The following DAB1 variants were observed in gnomAD, a reference collection of about 807,000 sequenced individuals.
DAB1 encodes DAB adaptor protein 1.
In DAB1, 15 loss-of-function variants were observed where a neutral mutation model predicts 64.6. The ratio of observed to expected loss-of-function variants is 0.23; its 90% CI spans 0.16 to 0.36. The LOEUF is 0.36. Ranked by LOEUF, DAB1 falls within the 10% of genes least tolerant of loss-of-function variation. The probability of loss-of-function intolerance (pLI) is 1.00; values close to 1 mark genes in which losing one functional copy is unlikely to be tolerated. For synonymous variants in DAB1, 235 were observed against 251.9 expected, an observed-to-expected ratio of 0.93 and a Z score of 0.64; for missense variants, 596 against 706.7, an observed-to-expected ratio of 0.84 and a Z score of 1.78.
intron 1 of DAB1, among the ~76,000 whole-genome samples, chr1:57,420,430 A>T (rs1684809780): frequency 6.6e-6 from 1 of 152,238 alleles, no homozygotes; most frequent in South Asian, 2.1e-4. Context: ...ACAAGTATCC[A>T]CATCCTAGGG....
At chr1:58,169,348 G>A (rs2100763290) in intron 4 of DAB1, among the ~76,000 whole-genome samples, 1 of 152,296 alleles carries the variant, frequency 6.6e-6, no homozygotes, top group African/African-American at 2.4e-5. Context: ...ACCATTGTGG[G>A]TTCTTGGGCA....
At chr1:58,489,843 G>A (rs1645647122) in intron 3 of DAB1, among the ~76,000 whole-genome samples, 2 of 152,166 alleles carry the variant, frequency 1.3e-5, no homozygotes, top group Non-Finnish European at 2.9e-5. Flanking sequence ...GTCTGGAGTG[G>A]TCCTCCAGCA....
chr1:58,379,630 G>C (rs1293068718), intron 3 of DAB1, among the ~76,000 whole-genome samples: 2 of 152,180 alleles, frequency 1.3e-5, no homozygotes, highest in East Asian at 3.8e-4. Flanking sequence ...AATACCTATT[G>C]GTGCAACCAT....
At chr1:57,758,348 A>G (rs1175288586) in intron 6 of DAB1, among the ~76,000 whole-genome samples, 1 of 152,196 alleles carries the variant, frequency 6.6e-6, no homozygotes, top group Non-Finnish European at 1.5e-5. Context: ...TTTAAAACTC[A>G]GTTTTCTGCA....
At chr1:57,181,451 C>G (rs7548633) in intron 2 of DAB1, among the ~76,000 whole-genome samples, 1 of 151,962 alleles carries the variant, frequency 6.6e-6, no homozygotes, top group Non-Finnish European at 1.5e-5. Context: ...ACACTATCAT[C>G]GAACACTTAT....
intron 4 of DAB1, among the ~76,000 whole-genome samples, chr1:57,074,695 C>T (rs971830028): frequency 7.2e-5 from 11 of 152,184 alleles, no homozygotes; most frequent in Non-Finnish European, 1.6e-4. Context: ...AGGCTGCCCA[C>T]TGGCCACTGG....
chr1:58,268,925 C>T (rs915168198), intron 4 of DAB1, among the ~76,000 whole-genome samples: 2 of 152,108 alleles, frequency 1.3e-5, no homozygotes, highest in South Asian at 2.1e-4. Flanking sequence ...TATAGACCAA[C>T]TGAATAGAAT....
chr1:58,275,983 C>T (rs1405420975), intron 4 of DAB1, among the ~76,000 whole-genome samples: 1 of 152,194 alleles, frequency 6.6e-6, no homozygotes, highest in African/African-American at 2.4e-5. Context: ...ACTGTTCAGT[C>T]TTAAGAGAAA....
At chr1:58,083,422 A>T (rs11207168) in intron 5 of DAB1, among the ~76,000 whole-genome samples, 35,398 of 152,140 alleles carry the variant, frequency 0.23, 4,558 homozygotes, top group East Asian at 0.4. Flanking sequence ...TGGTTTCATC[A>T]TCTATGCCGC....
intron 5 of DAB1, among the ~76,000 whole-genome samples, chr1:57,971,798 A>T (rs1006915047): frequency 2.0e-5 from 3 of 152,186 alleles, no homozygotes; most frequent in Non-Finnish European, 4.4e-5. Context: ...TCCACAGAAG[A>T]GGGCAGGTCC....
At chr1:57,702,023 T>C (rs1473172584) in intron 6 of DAB1, among the ~76,000 whole-genome samples, 1 of 152,190 alleles carries the variant, frequency 6.6e-6, no homozygotes, top group Admixed American at 6.5e-5. Context: ...GCTCTGTCCA[T>C]TTGAGGAGGC....
intron 5 of DAB1, among the ~76,000 whole-genome samples, chr1:58,030,270 A>T (rs1006593162): frequency 5.3e-5 from 8 of 152,178 alleles, no homozygotes; most frequent in Non-Finnish European, 8.8e-5. Flanking sequence ...ACAAGCAAAG[A>T]AACAAAAATA....
chr1:57,058,892 T>C (rs1650104738), intron 9 of DAB1, among the ~76,000 whole-genome samples: 1 of 152,230 alleles, frequency 6.6e-6, no homozygotes, highest in African/African-American at 2.4e-5. Flanking sequence ...AGATGTGATC[T>C]CTGCCAAGGT....
chr1:58,135,189 T>C (rs565859822), intron 5 of DAB1, among the ~76,000 whole-genome samples: 1 of 152,348 alleles, frequency 6.6e-6, no homozygotes, highest in South Asian at 2.1e-4. Flanking sequence ...TCAGTCATTA[T>C]GATCTCTCTA....
intron 3 of DAB1, among the ~76,000 whole-genome samples, chr1:58,458,310 C>T (rs370492805): frequency 7.9e-5 from 12 of 152,174 alleles, no homozygotes; most frequent in African/African-American, 2.9e-4. Context: ...GACAGGCAGA[C>T]ACTTTCTATA....
chr1:58,161,908 T>C (rs531813013), intron 4 of DAB1, among the ~76,000 whole-genome samples: 30 of 152,298 alleles, frequency 2.0e-4, no homozygotes, highest in African/African-American at 5.5e-4. Context: ...ATTTACATTT[T>C]AGAAAGATTA....
chr1:58,133,132 C>A (rs1653736767), intron 5 of DAB1, among the ~76,000 whole-genome samples: 1 of 152,150 alleles, frequency 6.6e-6, no homozygotes, highest in Admixed American at 6.5e-5. Flanking sequence ...TTGGAAGTGG[C>A]CTAGTTTGGC....
At chr1:57,018,955 T>C (rs1195596386) in intron 11 of DAB1, among the ~76,000 whole-genome samples, 1 of 152,188 alleles carries the variant, frequency 6.6e-6, no homozygotes. Context: ...GCTTCTGTGC[T>C]GTCTAACCCT....
intron 2 of DAB1, among the ~76,000 whole-genome samples, chr1:57,266,138 C>G (rs1315761517): frequency 6.6e-6 from 1 of 152,298 alleles, no homozygotes; most frequent in East Asian, 1.9e-4. Context: ...CTGAGGGATA[C>G]CTACACAAGG....
Sources: gnomAD v4.1 joint callset for allele counts (sites outside exome capture counted in the v4.1 genomes callset) on GRCh38, gnomAD v4.1.1 for gene constraint, MANE v1.5 for transcripts, NCBI Gene and HGNC (gene_info 2026-07-23, HGNC 2026-07-21) for gene names.